PKHD1: variants seen among roughly 807,000 people sequenced by gnomAD.
PKHD1 encodes fibrocystin.
In PKHD1, 291 loss-of-function variants were observed where a neutral mutation model predicts 412.0. The ratio of observed to expected loss-of-function variants is 0.71; its 90% CI spans 0.64 to 0.78. The LOEUF (loss-of-function observed/expected upper bound fraction) is 0.78. Among genes scored for constraint, PKHD1 ranks in the 30% least tolerant of loss-of-function variants. PKHD1 has a pLI of 0.00. For missense variants in PKHD1, 4,825 were observed against 4,950.7 expected, an observed-to-expected ratio of 0.97 and a Z score of 0.76; for synonymous variants, 1,777 against 1,821.5, an observed-to-expected ratio of 0.98 and a Z score of 0.62.
chr6:51,950,220 A>AAAATATATAT, intron 36 of PKHD1, among the ~76,000 whole-genome samples: 214 of 98,272 alleles, frequency 2.2e-3, no homozygotes, highest in Admixed American at 3.3e-3. Flanking sequence ...GAAAAAAAAA[A>AAAATATATAT]ATATATATAT....
At chr6:51,836,840 G>GT (rs1169430777) in intron 50 of PKHD1, among the ~76,000 whole-genome samples, 1 of 152,128 alleles carries the variant, frequency 6.6e-6, no homozygotes, top group Non-Finnish European at 1.5e-5. Context: ...GAATTCATGT[G>GT]TTTTTCACCA....
intron 60 of PKHD1, among the ~76,000 whole-genome samples, chr6:51,674,262 A>G (rs535164136): frequency 6.6e-6 from 1 of 152,276 alleles, no homozygotes; most frequent in African/African-American, 2.4e-5. Context: ...GTAGGTACAG[A>G]TATATCTGTT....
intron 54 of PKHD1, among the ~76,000 whole-genome samples, chr6:51,773,003 A>G (rs1327250286): frequency 6.6e-6 from 1 of 152,064 alleles, no homozygotes; most frequent in Non-Finnish European, 1.5e-5. Context: ...CTCAAATGCT[A>G]TAGAAAAAAG....
intron 60 of PKHD1, among the ~76,000 whole-genome samples, chr6:51,665,869 G>T (rs1162399203): frequency 6.6e-6 from 1 of 152,122 alleles, no homozygotes; most frequent in Non-Finnish European, 1.5e-5. Flanking sequence ...AATAAGATGG[G>T]ATTGGATAGG....
At chr6:52,053,316 C>T (rs1271526694) in intron 20 of PKHD1, 65 bp from the exon 21 acceptor site, 4 of 1,534,324 alleles carry the variant, frequency 2.6e-6, no homozygotes, top group Non-Finnish European at 2.7e-6. Flanking sequence ...CCGGTTAGAG[C>T]CCTTGTTCCC....
rs568629793 is a variant in PKHD1 at position 51,962,207 on chromosome 6, A to G, written c.5752-2181T>C. On this transcript the variant is annotated intron_variant, in intron 35 of 66. Coordinates refer to ENST00000371117, the MANE Select transcript of PKHD1 (RefSeq NM_138694.4). Reference sequence around the variant, plus strand: ...CTTCAGCAGCATAACGCTTTCTGAGACATTAACCTGGTGGTCAGATCCATA... The same window carrying G: ...CTTCAGCAGCATAACGCTTTCTGAGGCATTAACCTGGTGGTCAGATCCATA... 6.6e-5 allele frequency among the ~76,000 whole-genome samples: 10 copies of G among 152,214 alleles called. No individual in the cohort carries two copies. In the South Asian group the frequency reaches 2.1e-3, roughly 32 times the overall value.
intron 55 of PKHD1, among the ~76,000 whole-genome samples, chr6:51,762,992 A>G (rs1355723694): frequency 6.6e-6 from 1 of 152,120 alleles, no homozygotes; most frequent in East Asian, 1.9e-4. Context: ...TTAAAGAGAA[A>G]GAATTCCATA....
intron 60 of PKHD1, among the ~76,000 whole-genome samples, chr6:51,713,537 A>G (rs771898501): frequency 2.0e-5 from 3 of 152,222 alleles, no homozygotes; most frequent in Non-Finnish European, 2.9e-5. Flanking sequence ...GTGAGTAAGA[A>G]CATTGATAAT....
intron 60 of PKHD1, among the ~76,000 whole-genome samples, chr6:51,696,886 T>C (rs1048976039): frequency 2.6e-5 from 4 of 152,144 alleles, no homozygotes; most frequent in Non-Finnish European, 4.4e-5. Flanking sequence ...TCTCACAGGT[T>C]TAAAAGGATA....
In PKHD1 at chr6:52,024,988, T is replaced by A; in HGVS notation, c.4822A>T (p.Ile1608Phe). The A allele has an allele frequency of 2.5e-6, 4 of 1,614,212 alleles. No homozygotes were observed. The highest frequency in any genetic ancestry group is 3.4e-6 in the Non-Finnish European group (4 of 1,180,034). The change falls in exon 32 of 67, where the codon ATT becomes TTT. Residue 1608 changes from isoleucine (I) to phenylalanine (F), a missense_variant. Transcript: ENST00000371117. ...ACCGTCAGGCAGGTCTGCTGGTCAA[T>A]ATAGACTGACGTGGTGTTCTGTCCT... Reference protein sequence around the residue: ...LRGQNTTSVYIDQQTCLTVNI... With the variant: ...LRGQNTTSVYFDQQTCLTVNI...
At position 51,619,457 on chromosome 6, in the gene PKHD1, ACT is replaced by A. The variant is rs1370349473; in HGVS notation, c.11847_11848del (p.Ser3951GlnfsTer5). 6.2e-7 allele frequency: 1 copy of A among 1,613,856 alleles called. No homozygotes were observed. The highest frequency in any genetic ancestry group is 1.1e-5 in the South Asian group (1 of 91,040). On this transcript the variant is annotated frameshift_variant, in exon 67 of 67. Transcript: ENST00000371117. LOFTEE classifies it low-confidence loss of function (END_TRUNC). ...GTGGCGGCTAACTTTCCTTCTGGAC[ACT>A]CCATTCATCAACTGGTGGGGGCACT...
chr6:51,766,731 G>C (rs1298739770), intron 55 of PKHD1, among the ~76,000 whole-genome samples: 3 of 150,930 alleles, frequency 2.0e-5, no homozygotes, highest in Non-Finnish European at 4.4e-5. Context: ...TAAGTTTTAG[G>C]GTACATGTGC....
intron 33 of PKHD1, among the ~76,000 whole-genome samples, chr6:52,018,741 C>T (rs978011671): frequency 2.6e-5 from 4 of 152,236 alleles, no homozygotes. Flanking sequence ...TCTTGAATTC[C>T]TGAGCTCTGG....
rs2128182860 is a variant in PKHD1 at position 52,043,061 on chromosome 6, T to C, written c.2895A>G (p.Thr965=). 1.9e-6 allele frequency: 3 copies of C among 1,613,958 alleles called. No homozygotes were observed. Among genetic ancestry groups the C allele is most frequent in the East Asian group, 2.2e-5 (1 of 44,888 alleles). ...FSGDSQFLQV[T]VNKTSCKVIF... ...TAACTTTGCAACTCGTTTTGTTCACTGTAACCTGCAAGAACTGGGAGTCAC... is the reference window on the plus strand; with the variant it reads ...TAACTTTGCAACTCGTTTTGTTCACCGTAACCTGCAAGAACTGGGAGTCAC... The change falls in exon 27 of 67, where the codon ACA becomes ACG. Residue 965 remains threonine (T), a synonymous_variant. Coordinates refer to ENST00000371117, the MANE Select transcript of PKHD1 (RefSeq NM_138694.4).
chr6:51,978,200 C>T (rs926504625), intron 35 of PKHD1, among the ~76,000 whole-genome samples: 5 of 152,154 alleles, frequency 3.3e-5, no homozygotes, highest in Non-Finnish European at 5.9e-5. Context: ...TTCCCCACCC[C>T]ACCCCACACC....
chr6:51,744,081 G>A (rs1784896761), intron 60 of PKHD1, among the ~76,000 whole-genome samples: 1 of 152,230 alleles, frequency 6.6e-6, no homozygotes, highest in South Asian at 2.1e-4. Flanking sequence ...GGCTGCTTCA[G>A]GCCCAAGTGC....
At chr6:51,768,492 A>T (rs184910691) in intron 55 of PKHD1, among the ~76,000 whole-genome samples, 1 of 152,006 alleles carries the variant, frequency 6.6e-6, no homozygotes, top group Non-Finnish European at 1.5e-5. Context: ...ATTTTAAATA[A>T]GCTTGTACAT....
At chr6:51,776,344 C>T (rs1791023203) in intron 53 of PKHD1, among the ~76,000 whole-genome samples, 1 of 151,924 alleles carries the variant, frequency 6.6e-6, no homozygotes, top group African/African-American at 2.4e-5. Flanking sequence ...ACCATGAATA[C>T]AGAATTTCTT....
intron 46 of PKHD1, among the ~76,000 whole-genome samples, chr6:51,881,569 T>C (rs780810559): frequency 6.6e-6 from 1 of 152,130 alleles, no homozygotes; most frequent in African/African-American, 2.4e-5. Context: ...TCAGGGAACA[T>C]TGGTATGAAC....
Sources: allele counts gnomAD v4.1 joint callset (sites outside exome capture counted in the v4.1 genomes callset), GRCh38; gene constraint gnomAD v4.1.1; transcripts MANE v1.5; gene names NCBI Gene and HGNC (gene_info 2026-07-23, HGNC 2026-07-21).